The following DIS3L2 variants were observed in gnomAD, a reference collection of about 807,000 sequenced individuals.
DIS3L2 encodes DIS3-like exonuclease 2.
DIS3L2 carries 34 observed loss-of-function variants against 97.5 expected under a neutral mutation model. That is an observed-to-expected ratio of 0.35 (90% confidence interval 0.27 to 0.46). The LOEUF (loss-of-function observed/expected upper bound fraction) is 0.46, where lower values mean the gene tolerates loss of function less well. Among genes scored for constraint, DIS3L2 ranks in the 20% least tolerant of loss-of-function variants. The pLI, the probability that DIS3L2 is intolerant of heterozygous loss-of-function variation, is 1.00. For missense variants in DIS3L2, 1,038 were observed against 1,146.0 expected (o/e 0.91, Z 1.36); for synonymous variants, 435 against 445.2 (o/e 0.98, Z 0.29).
intron 6 of DIS3L2, among the ~76,000 whole-genome samples, chr2:232,128,955 T>A (rs1445469452): frequency 6.6e-6 from 1 of 152,204 alleles, no homozygotes; most frequent in Non-Finnish European, 1.5e-5. Context: ...AGGATATCCT[T>A]CTGAATATAG....
Position 232,172,937 on chromosome 2 carries a change from C to T in DIS3L2, c.1124+9305C>T, listed in dbSNP as rs1370228460. 1.3e-5 allele frequency among the ~76,000 whole-genome samples: 2 copies of T among 152,150 alleles called. 1 individual carries two copies. The highest frequency in any genetic ancestry group is 4.8e-5 in the African/African-American group (2 of 41,422). On this transcript the variant is annotated intron_variant, in intron 9 of 20. Transcript: ENST00000325385. ...TATTTTCTTTGAAGAAAAATCTACTCAGATAGTATCTATTCAGATCCTTTG... is the reference window on the plus strand; with the variant it reads ...TATTTTCTTTGAAGAAAAATCTACTTAGATAGTATCTATTCAGATCCTTTG...
intron 5 of DIS3L2, among the ~76,000 whole-genome samples, chr2:232,040,313 A>G (rs1695073160): frequency 6.6e-6 from 1 of 152,146 alleles, no homozygotes; most frequent in Non-Finnish European, 1.5e-5. Flanking sequence ...CAGCCCCTCT[A>G]CTAACTCTCC....
chr2:232,010,235 C>T (rs954315686), intron 1 of DIS3L2, among the ~76,000 whole-genome samples: 1 of 152,214 alleles, frequency 6.6e-6, no homozygotes, highest in Admixed American at 6.5e-5. Context: ...TCAAACTCCT[C>T]ATTCAACCGT....
At chr2:232,145,802 GT>G (rs1690200899) in intron 8 of DIS3L2, among the ~76,000 whole-genome samples, 3 of 152,042 alleles carry the variant, frequency 2.0e-5, no homozygotes, top group Non-Finnish European at 4.4e-5. Context: ...GCATTAATTT[GT>G]TTATTTACAT....
At chr2:231,962,292 C>G (rs2106208607) in intron 1 of DIS3L2, among the ~76,000 whole-genome samples, 1 of 150,510 alleles carries the variant, frequency 6.6e-6, no homozygotes, top group Middle Eastern at 3.4e-3. Flanking sequence ...TTTTAATAAA[C>G]TTTTAGATAT....
At chr2:232,161,241 T>A (rs1690641559) in intron 8 of DIS3L2, among the ~76,000 whole-genome samples, 1 of 151,944 alleles carries the variant, frequency 6.6e-6, no homozygotes, top group Non-Finnish European at 1.5e-5. Context: ...TATTCATTGA[T>A]TCTTGTTTCT....
chr2:232,081,706 T>A (rs1046990529), intron 5 of DIS3L2, among the ~76,000 whole-genome samples: 2 of 152,210 alleles, frequency 1.3e-5, no homozygotes, highest in African/African-American at 4.8e-5. Flanking sequence ...GTTTTCCCAG[T>A]ATGACAGGAG....
chr2:231,966,173 T>TC (rs200680249), intron 1 of DIS3L2, among the ~76,000 whole-genome samples: 34 of 142,812 alleles, frequency 2.4e-4, no homozygotes, highest in East Asian at 2.1e-3. Context: ...TTCTTCTTCT[T>TC]TTTTTTTTTT....
At chr2:232,320,589 C>T (rs1248922141) in intron 14 of DIS3L2, among the ~76,000 whole-genome samples, 2 of 152,164 alleles carry the variant, frequency 1.3e-5, no homozygotes, top group Non-Finnish European at 2.9e-5. Flanking sequence ...AGTTCATACA[C>T]CTCTGGTTCA....
At chr2:232,318,279 A>G (rs1695331908) in intron 14 of DIS3L2, among the ~76,000 whole-genome samples, 1 of 152,192 alleles carries the variant, frequency 6.6e-6, no homozygotes, top group Admixed American at 6.5e-5. Flanking sequence ...AACTTAGAAA[A>G]CGACCCCTAG....
intron 5 of DIS3L2, among the ~76,000 whole-genome samples, chr2:232,030,757 ATGTATCTAAGTC>A (rs1694782746): frequency 6.6e-6 from 1 of 152,190 alleles, no homozygotes; most frequent in Non-Finnish European, 1.5e-5. Context: ...GATTGGAGAC[ATGTATCTAAGTC>A]TGAATTTGTC....
At chr2:232,323,642 C>G (rs1695497628) in intron 14 of DIS3L2, among the ~76,000 whole-genome samples, 2 of 152,156 alleles carry the variant, frequency 1.3e-5, no homozygotes, top group African/African-American at 4.8e-5. Flanking sequence ...GAACTGGGCC[C>G]CATTCATTTC....
chr2:232,037,918 A>C lies in DIS3L2; in HGVS notation c.366+7838A>C, dbSNP rs1694996723. Among the ~76,000 whole-genome samples, 1 of 152,234 alleles carries C rather than the reference A, an allele frequency of 6.6e-6. No individual in the cohort carries two copies. ...AACCAGGTACCTCAGTTGGAAATGC[A>C]GAAATCACCAGCCTTCTGCGTTGGT... On this transcript the variant is annotated intron_variant, in intron 5 of 20. Coordinates refer to ENST00000325385, the MANE Select transcript of DIS3L2 (RefSeq NM_152383.5). This position sits in a 1 kb window ranked among gnomAD's most constrained non-coding sequence, Gnocchi z 4.6.
chr2:232,254,398 A>C (rs1483146132), intron 12 of DIS3L2, among the ~76,000 whole-genome samples: 4 of 152,196 alleles, frequency 2.6e-5, no homozygotes, highest in Non-Finnish European at 5.9e-5. Flanking sequence ...GAATGGAAAA[A>C]GACCAGTAGG....
intron 14 of DIS3L2, among the ~76,000 whole-genome samples, chr2:232,314,171 C>A (rs1012282751): frequency 6.6e-6 from 1 of 152,240 alleles, no homozygotes; most frequent in African/African-American, 2.4e-5. Context: ...CGGCCCAGCA[C>A]CCACTGGGCC....
chr2:232,211,742 A>G (rs1398840027), intron 10 of DIS3L2, among the ~76,000 whole-genome samples: 1 of 152,208 alleles, frequency 6.6e-6, no homozygotes, highest in Non-Finnish European at 1.5e-5. Flanking sequence ...TCTCTACTAT[A>G]ATAGATGGGG....
intron 14 of DIS3L2, among the ~76,000 whole-genome samples, chr2:232,323,653 T>C (rs1398144287): frequency 3.3e-5 from 5 of 152,268 alleles, no homozygotes; most frequent in South Asian, 2.1e-4. Context: ...CATTCATTTC[T>C]CTGTGGTTTC....
At chr2:232,256,402 C>T (rs1482106682) in intron 12 of DIS3L2, among the ~76,000 whole-genome samples, 1 of 152,236 alleles carries the variant, frequency 6.6e-6, no homozygotes, top group African/African-American at 2.4e-5. Flanking sequence ...ATCCTTCAAG[C>T]CTCTGCCCCT....
rs576519766 is a variant in DIS3L2 at position 232,058,123 on chromosome 2, T to A, written c.366+28043T>A. ...TAAATATTTCTTCCCATAAGTGAAC[T>A]CACCCTCTGTCCTTGCTCTCATTGA... On this transcript the variant is annotated intron_variant, in intron 5 of 20. Transcript: ENST00000325385. Among the ~76,000 whole-genome samples, 61 of 152,328 alleles carry A rather than the reference T, an allele frequency of 4.0e-4. 1 individual carries two copies. Among genetic ancestry groups the A allele is most frequent in the African/African-American group, 1.3e-3 (56 of 41,574 alleles).
Sources: allele counts gnomAD v4.1 joint callset (sites outside exome capture counted in the v4.1 genomes callset), GRCh38; gene constraint gnomAD v4.1.1; non-coding constraint Gnocchi (gnomAD v3.1); transcripts MANE v1.5; gene names NCBI Gene and HGNC (gene_info 2026-07-23, HGNC 2026-07-21).